RYR2: variants seen among roughly 807,000 people sequenced by gnomAD.
RYR2 encodes the protein cardiac muscle ryanodine receptor-calcium release channel.
Under a neutral mutation model 601.1 loss-of-function variants are expected in RYR2, and 227 were observed. The ratio of observed to expected loss-of-function variants is 0.38; its 90% CI spans 0.34 to 0.42. The LOEUF (loss-of-function observed/expected upper bound fraction) is 0.42. RYR2 is among the 10% of genes least tolerant of loss of function. The pLI is 1.00. For missense variants in RYR2, 4,646 were observed against 6,156.5 expected (o/e 0.75, Z 8.21); for synonymous variants, 2,223 against 2,175.1 (o/e 1.02, Z -0.61).
At chr1:237,226,638 G>C (rs545026056) in intron 1 of RYR2, among the ~76,000 whole-genome samples, 3 of 152,300 alleles carry the variant, frequency 2.0e-5, no homozygotes, top group African/African-American at 7.2e-5. Flanking sequence ...AGTTGGCATA[G>C]AGAGGAAGTG....
At chr1:237,118,999 TGTG>T (rs1395808892) in intron 1 of RYR2, among the ~76,000 whole-genome samples, 1 of 152,126 alleles carries the variant, frequency 6.6e-6, no homozygotes, top group Non-Finnish European at 1.5e-5. Context: ...CTATTTCTAA[TGTG>T]GGGGGTATGG....
chr1:237,770,702 C>G (rs1694199700), intron 84 of RYR2, 105 bp from the exon 85 acceptor site: 1 of 702,490 alleles, frequency 1.4e-6, no homozygotes, highest in Non-Finnish European at 2.5e-6. Flanking sequence ...GTTTTTGGTT[C>G]AGAACAATGC....
chr1:237,716,375 G>A (rs983684964), intron 71 of RYR2, among the ~76,000 whole-genome samples: 6 of 149,972 alleles, frequency 4.0e-5, no homozygotes, highest in African/African-American at 1.0e-4. Flanking sequence ...TCATTATCAC[G>A]AAACTATGTT....
At position 237,520,353 on chromosome 1, in the gene RYR2, T is replaced by C. The variant is rs536837758; in HGVS notation, c.2822+8562T>C. ...CTTTCAGTACTGTAATGAATAGGAGTGGTAAAAGTAAATATCCTTGTTTTG... is the reference window on the plus strand; with the variant it reads ...CTTTCAGTACTGTAATGAATAGGAGCGGTAAAAGTAAATATCCTTGTTTTG... On this transcript the variant is annotated intron_variant, in intron 24 of 104. Transcript: ENST00000366574. 2.3e-3 allele frequency among the ~76,000 whole-genome samples: 350 copies of C among 152,148 alleles called. 3 individuals carry two copies. The highest frequency in any genetic ancestry group is 8.2e-3 in the African/African-American group (339 of 41,510).
intron 1 of RYR2, among the ~76,000 whole-genome samples, chr1:237,092,655 G>C (rs945018763): frequency 6.6e-6 from 1 of 151,442 alleles, no homozygotes; most frequent in Non-Finnish European, 1.5e-5. Flanking sequence ...TCAGCCTCCC[G>C]AGTAACTGGG....
intron 82 of RYR2, among the ~76,000 whole-genome samples, 179 bp from the exon 83 acceptor site, chr1:237,759,597 G>A (rs758090147): frequency 3.3e-5 from 5 of 152,146 alleles, no homozygotes; most frequent in Admixed American, 2.0e-4. Flanking sequence ...CCAAGTTTGC[G>A]TAACTATCTT....
chr1:237,251,287 C>T (rs1017830200), intron 1 of RYR2, among the ~76,000 whole-genome samples: 51 of 152,210 alleles, frequency 3.4e-4, no homozygotes, highest in African/African-American at 1.2e-3. Context: ...TGCTCTGCTG[C>T]TTCTCTTCTC....
At chr1:237,790,230 T>C (rs1658208478) in intron 92 of RYR2, among the ~76,000 whole-genome samples, 1 of 152,170 alleles carries the variant, frequency 6.6e-6, no homozygotes, top group Admixed American at 6.5e-5. Context: ...CCTTAGTTGC[T>C]GAGGCTCCCA....
intron 42 of RYR2, 49 bp downstream of exon 42, chr1:237,631,590 A>C: frequency 1.8e-6 from 1 of 550,982 alleles, no homozygotes; most frequent in Non-Finnish European, 3.1e-6. Flanking sequence ...CTCCTGGAGT[A>C]TATAGATTGA....
intron 1 of RYR2, among the ~76,000 whole-genome samples, chr1:237,063,852 T>C (rs1458553989): frequency 1.3e-5 from 2 of 152,224 alleles, no homozygotes; most frequent in African/African-American, 4.8e-5. Flanking sequence ...TGTTTGCGTA[T>C]GGAATTGGCA....
At chr1:237,452,401 ATATAG>A (rs1344117064) in intron 14 of RYR2, among the ~76,000 whole-genome samples, 4 of 144,340 alleles carry the variant, frequency 2.8e-5, no homozygotes, top group Non-Finnish European at 6.0e-5. Flanking sequence ...ACATTATATA[ATATAG>A]TATAAACTAT....
intron 19 of RYR2, among the ~76,000 whole-genome samples, chr1:237,494,656 A>G (rs901542418): frequency 6.6e-6 from 1 of 152,234 alleles, no homozygotes; most frequent in Admixed American, 6.5e-5. Context: ...ATGATAAGAA[A>G]TAACGGCTTA....
intron 42 of RYR2, 24 bp downstream of exon 42, chr1:237,631,565 G>GATA: frequency 7.7e-7 from 1 of 1,303,514 alleles, no homozygotes; most frequent in Non-Finnish European, 1.1e-6. Context: ...TTCCTGAGAT[G>GATA]CTATTTAGTA....
intron 53 of RYR2, 81 bp from the exon 54 acceptor site, chr1:237,657,863 A>T (rs1193069847): frequency 2.7e-6 from 2 of 742,040 alleles, no homozygotes; most frequent in Non-Finnish European, 4.4e-6. Flanking sequence ...ATAAGCATTC[A>T]TAAGCTGTGA....
chr1:237,239,458 G>A (rs1019240801), intron 1 of RYR2, among the ~76,000 whole-genome samples: 7 of 152,162 alleles, frequency 4.6e-5, no homozygotes, highest in African/African-American at 1.4e-4. Context: ...GTTGGACCAG[G>A]TGTGCCATTT....
intron 87 of RYR2, 23 bp from the exon 88 acceptor site, chr1:237,778,643 C>T: frequency 7.8e-7 from 1 of 1,280,010 alleles, no homozygotes; most frequent in Non-Finnish European, 1.1e-6. Flanking sequence ...GGAATAATTG[C>T]CGTTTGTCTG....
At chr1:237,386,191 T>C (rs1198206804) in intron 8 of RYR2, among the ~76,000 whole-genome samples, 3 of 152,212 alleles carry the variant, frequency 2.0e-5, no homozygotes, top group Non-Finnish European at 4.4e-5. Flanking sequence ...ATCTTATTCA[T>C]TGGAAAAATG....
intron 1 of RYR2, among the ~76,000 whole-genome samples, chr1:237,156,316 A>G (rs1435217747): frequency 6.6e-6 from 1 of 152,158 alleles, no homozygotes; most frequent in East Asian, 1.9e-4. Context: ...TTTTTTTGTT[A>G]TGTACATTTT....
intron 42 of RYR2, among the ~76,000 whole-genome samples, chr1:237,631,888 C>T (rs1364671591): frequency 7.3e-6 from 1 of 137,094 alleles, no homozygotes; most frequent in Admixed American, 7.4e-5. Flanking sequence ...TTGGCCTCCC[C>T]TCCCGAAGTG....
Sources: gnomAD v4.1 joint callset for allele counts (sites outside exome capture counted in the v4.1 genomes callset) on GRCh38, gnomAD v4.1.1 for gene constraint, MANE v1.5 for transcripts, NCBI Gene and HGNC (gene_info 2026-07-23, HGNC 2026-07-21) for gene names.